ASIC1: variants seen among roughly 807,000 people sequenced by gnomAD.
The protein encoded by ASIC1 is acid-sensing ion channel 1.
A neutral mutation model predicts 63.4 loss-of-function variants in ASIC1; 21 were observed. The ratio of observed to expected loss-of-function variants is 0.33; its 90% confidence interval spans 0.23 to 0.48. ASIC1 has a LOEUF of 0.48. ASIC1 is among the 20% of genes least tolerant of loss of function. ASIC1 has a pLI of 0.99. For synonymous variants in ASIC1, 258 were observed against 278.2 expected, an observed-to-expected ratio of 0.93 and a Z score of 0.72; for missense variants, 478 against 695.5, an observed-to-expected ratio of 0.69 and a Z score of 3.52.
At chr12:50,081,235 C>T (rs2137852251) in intron 10 of ASIC1, 25 bp from the exon 11 acceptor site, 1 of 1,603,886 alleles carries the variant, frequency 6.2e-7, no homozygotes, top group Non-Finnish European at 8.5e-7. Context: ...GTCCAGCCCG[C>T]CCACCTGCCC....
At chr12:50,081,502 C>T (rs1278754896) in intron 11 of ASIC1, 43 bp from the exon 12 acceptor site, 2 of 1,606,900 alleles carry the variant, frequency 1.2e-6, no homozygotes, top group Non-Finnish European at 1.7e-6. Flanking sequence ...ACCTGAAGCC[C>T]TTCCGAGGGA....
intron 3 of ASIC1, among the ~76,000 whole-genome samples, chr12:50,071,256 T>C (rs888320150): frequency 6.7e-6 from 1 of 149,368 alleles, no homozygotes; most frequent in African/African-American, 2.5e-5. Context: ...GGAGGGTACA[T>C]TGCTTTCAGC....
At position 50,074,211 on chromosome 12, in the gene ASIC1, A is replaced by G. The variant is rs1950630423; in HGVS notation, c.559-3002A>G. ...ACATGCTGCTCTATTGCTCCTACCAAGGGGGACCCTGCGGCCCTCACAACT... is the reference window on the plus strand; with the variant it reads ...ACATGCTGCTCTATTGCTCCTACCAGGGGGGACCCTGCGGCCCTCACAACT... On this transcript the variant is annotated intron_variant, in intron 3 of 11. Coordinates refer to ENST00000447966, the MANE Select transcript of ASIC1 (RefSeq NM_001095.4). The surrounding 1 kb of genome is among the most constrained non-coding windows in gnomAD (Gnocchi z 4.2). 5.3e-6 allele frequency: 8 copies of G among 1,513,530 alleles called. No homozygotes were observed. The East Asian group carries it at 2.0e-4, about 37-fold the overall frequency. The allele number at this position is 1,513,530 out of a possible 1,614,324, so 93.8% of individuals were successfully genotyped here. A position where few individuals can be genotyped will look rare whatever the true frequency, so the allele number is the denominator to read the frequency against.
At chr12:50,065,949 C>T (rs1173353466) in intron 3 of ASIC1, among the ~76,000 whole-genome samples, 2 of 152,210 alleles carry the variant, frequency 1.3e-5, no homozygotes, top group African/African-American at 2.4e-5. Context: ...ATCACATATG[C>T]GCCCCGAGCA....
chr12:50,058,644 G>A, intron 1 of ASIC1, 107 bp from the exon 2 acceptor site: 3 of 1,384,782 alleles, frequency 2.2e-6, no homozygotes, highest in Non-Finnish European at 2.9e-6. Context: ...TCTGCCCGAG[G>A]AGTGGTGACC....
intron 9 of ASIC1, 188 bp downstream of exon 9, chr12:50,080,777 A>G (rs1358667048): frequency 6.6e-7 from 1 of 1,520,322 alleles, no homozygotes; most frequent in African/African-American, 1.4e-5. Flanking sequence ...CAAAGTGGAA[A>G]AGAGAAAAGA....
intron 3 of ASIC1, among the ~76,000 whole-genome samples, chr12:50,063,022 G>C (rs139604151): frequency 6.6e-6 from 1 of 152,304 alleles, no homozygotes; most frequent in East Asian, 1.9e-4. Flanking sequence ...TGGCTGGGAA[G>C]GTTTCAATAG....
intron 3 of ASIC1, among the ~76,000 whole-genome samples, chr12:50,064,439 C>G (rs1312907228): frequency 1.7e-4 from 26 of 152,152 alleles, no homozygotes; most frequent in African/African-American, 6.3e-4. Context: ...TTCCCCTTCT[C>G]CCCAGACCCC....
At chr12:50,075,842 G>A (rs896365095) in intron 3 of ASIC1, among the ~76,000 whole-genome samples, 1 of 152,182 alleles carries the variant, frequency 6.6e-6, no homozygotes, top group Non-Finnish European at 1.5e-5. Flanking sequence ...GGAGGCTGTG[G>A]GGAAAAGGCC....
chr12:50,078,837 G>A lies in ASIC1; in HGVS notation c.995-87G>A. ...AGTCCTCCCTTCCCATCTTCTCCCA[G>A]CTTACACCTTCTAGGCCTTTGGTAC... On this transcript the variant is annotated intron_variant, in intron 6 of 11. Transcript: ENST00000447966. The surrounding 1 kb of genome is among the most constrained non-coding windows in gnomAD (Gnocchi z 6.0). 6.7e-7 allele frequency: 1 copy of A among 1,493,222 alleles called. No homozygotes were observed. Among genetic ancestry groups the A allele is most frequent in the South Asian group, 1.1e-5 (1 of 88,328 alleles). 92.5% of individuals were successfully genotyped at this position (1,493,222 alleles called of 1,614,324 possible).
Position 50,074,321 on chromosome 12 carries a change from T to TTGGGGCTGGGGC in ASIC1, c.559-2877_559-2866dup, listed in dbSNP as rs1357365634. The TTGGGGCTGGGGC allele has an allele frequency of 6.5e-5, 93 of 1,431,186 alleles. No individual in the cohort carries two copies. In the Admixed American group the frequency reaches 8.8e-4, roughly 14 times the overall value. 88.7% of individuals were successfully genotyped at this position (1,431,186 alleles called of 1,614,324 possible). On this transcript the variant is annotated intron_variant, in intron 3 of 11. Transcript: ENST00000447966. The surrounding 1 kb of genome is among the most constrained non-coding windows in gnomAD (Gnocchi z 4.2). The stretch of plus-strand genomic sequence containing the variant: ...TGTCCCTGACTGTCACCTCCTGGGG[T>TTGGGGCTGGGGC]TGGGGCTGGGGCTGGGGCTGGGGCT...
In ASIC1 at chr12:50,059,635, G is replaced by T; in HGVS notation, c.363-124G>T. 1 of 1,011,086 alleles carries T rather than the reference G, an allele frequency of 9.9e-7. No homozygotes were observed. Among genetic ancestry groups the T allele is most frequent in the Admixed American group, 2.5e-5 (1 of 40,218 alleles). 62.6% of individuals were successfully genotyped at this position (1,011,086 alleles called of 1,614,324 possible). A position where few individuals can be genotyped will look rare whatever the true frequency, so the allele number is the denominator to read the frequency against. ...ATGTGGTAGAGCCTCTGCATGCCCAGCTCTCCTTCCTTGCCTACACCTGGG... is the reference window on the plus strand; with the variant it reads ...ATGTGGTAGAGCCTCTGCATGCCCATCTCTCCTTCCTTGCCTACACCTGGG... On this transcript the variant is annotated intron_variant, in intron 2 of 11. Coordinates refer to ENST00000447966, the MANE Select transcript of ASIC1 (RefSeq NM_001095.4). This position sits in a 1 kb window ranked among gnomAD's most constrained non-coding sequence, Gnocchi z 4.6.
Position 50,059,072 on chromosome 12 carries a change from A to G in ASIC1, c.306A>G (p.Gln102=). The part of the protein sequence containing the change: ...LCNLNEFRFS[Q]VSKNDLYHAG... ...ACCTCAACGAGTTCCGCTTTAGCCA[A>G]GTCTCCAAGAATGACCTGTATCATG... Residue 102 remains glutamine, a synonymous_variant, in exon 2 of 12, where the codon CAA becomes CAG. Transcript: ENST00000447966. The surrounding 1 kb of genome is among the most constrained non-coding windows in gnomAD (Gnocchi z 4.6). The G allele has an allele frequency of 6.2e-7, 1 of 1,614,158 alleles. No individual in the cohort carries two copies. Among genetic ancestry groups the G allele is most frequent in the Non-Finnish European group, 8.5e-7 (1 of 1,180,026 alleles).
intron 3 of ASIC1, among the ~76,000 whole-genome samples, chr12:50,066,909 T>C (rs538145926): frequency 1.4e-4 from 21 of 152,288 alleles, no homozygotes; most frequent in African/African-American, 5.1e-4. Flanking sequence ...AGAATTTTCA[T>C]CTTATTCCCT....
intron 3 of ASIC1, among the ~76,000 whole-genome samples, chr12:50,069,542 T>C (rs578470): frequency 0.38 from 58,484 of 151,982 alleles, 11,762 homozygotes; most frequent in Middle Eastern, 0.47. Flanking sequence ...GATCCGCCCA[T>C]TTCAGCCTCC....
rs1950680496 is a variant in ASIC1, at chr12:50,078,401, C to A, written c.838-20C>A. On this transcript the variant is annotated intron_variant, in intron 5 of 11. Transcript: ENST00000447966. The surrounding 1 kb of genome is among the most constrained non-coding windows in gnomAD (Gnocchi z 6.0). Reference sequence around the variant, plus strand: ...GGGAGAAGTCCCCGCACTCCCCCAGCTCCCCGGCTCTCCCAGCAGCTCATC... The same window carrying A: ...GGGAGAAGTCCCCGCACTCCCCCAGATCCCCGGCTCTCCCAGCAGCTCATC... 6.2e-7 allele frequency: 1 copy of A among 1,613,302 alleles called. No individual in the cohort carries two copies.
chr12:50,072,081 A>G (rs1232531558), intron 3 of ASIC1, among the ~76,000 whole-genome samples: 1 of 152,170 alleles, frequency 6.6e-6, no homozygotes, highest in East Asian at 1.9e-4. Context: ...CACATCACTC[A>G]GTTCTGCTAG....
chr12:50,073,666 C>T (rs892182976), intron 3 of ASIC1: 1 of 1,536,224 alleles, frequency 6.5e-7, no homozygotes, highest in African/African-American at 1.4e-5. Flanking sequence ...TTGGGGTCCC[C>T]ACCACCATCA....
At chr12:50,079,477 C>T (rs1950692747) in intron 7 of ASIC1, among the ~76,000 whole-genome samples, 1 of 152,122 alleles carries the variant, frequency 6.6e-6, no homozygotes, top group South Asian at 2.1e-4. Context: ...GAAAAATGAA[C>T]AGAGGTCACC....
Sources: allele counts gnomAD v4.1 joint callset (sites outside exome capture counted in the v4.1 genomes callset), GRCh38; gene constraint gnomAD v4.1.1; non-coding constraint Gnocchi (gnomAD v3.1); transcripts MANE v1.5; gene names NCBI Gene and HGNC (gene_info 2026-07-23, HGNC 2026-07-21).